The following KBTBD11 variants were observed in gnomAD, a reference collection of about 807,000 sequenced individuals.
KBTBD11 encodes the protein kelch repeat and BTB domain containing 11.
For synonymous variants in KBTBD11, 747 were observed against 499.0 expected, an observed-to-expected ratio of 1.50 and a Z score of -6.63; for missense variants, 1,390 against 1,001.8, an observed-to-expected ratio of 1.39 and a Z score of -5.23.
Position 2,001,860 on chromosome 8 carries a change from C to A in KBTBD11, c.668C>A (p.Ala223Asp). 1.5e-6 allele frequency: 2 copies of A among 1,295,830 alleles called. No homozygotes were observed. Among genetic ancestry groups the A allele is most frequent in the Non-Finnish European group, 2.0e-6 (2 of 1,014,710 alleles). 80.3% of individuals were successfully genotyped at this position (1,295,830 alleles called of 1,614,324 possible). ...CAGCTGCCCGGCGCCGCGCAGCGCG[C>A]CACCGACGCCGTGGGGCCGCAGCTG... ...RLQLPGAAQR[A>D]TDAVGPQLSL... Residue 223 changes from alanine (A) to aspartate (D), a missense_variant, in exon 2 of 2, where the codon GCC becomes GAC. Coordinates refer to ENST00000320248, the MANE Select transcript of KBTBD11 (RefSeq NM_014867.3).
In KBTBD11 at chr8:2,002,279, G is replaced by A; in HGVS notation, c.1087G>A (p.Val363Met). 7.5e-7 allele frequency: 1 copy of A among 1,324,770 alleles called. No homozygotes were observed. The highest frequency in any genetic ancestry group is 1.9e-5 in the South Asian group (1 of 51,822). The allele number at this position is 1,324,770 out of a possible 1,614,324, so 82.1% of individuals were successfully genotyped here. The change falls in exon 2 of 2, where the codon GTG becomes ATG. Residue 363 changes from valine (V) to methionine (M), a missense_variant. Physicochemically the swap from Val to Met is conservative, Grantham distance 21. Transcript: ENST00000320248. The surrounding 1 kb of genome is among the most constrained non-coding windows in gnomAD (Gnocchi z 4.1). ...GLCVLYNYLF[V>M]AGGVAPAGPD... ...GTGCGTCCTCTACAACTACCTCTTC[G>A]TGGCGGGCGGCGTGGCGCCCGCGGG...
intron 1 of KBTBD11, among the ~76,000 whole-genome samples, chr8:1,979,410 A>C (rs13274738): frequency 0.75 from 113,562 of 152,052 alleles, 42,599 homozygotes; most frequent in South Asian, 0.85. Flanking sequence ...TAGGCAGATC[A>C]CTTGAGGTCA....
chr8:1,980,051 C>G (rs1478503206), intron 1 of KBTBD11, among the ~76,000 whole-genome samples: 7 of 152,140 alleles, frequency 4.6e-5, no homozygotes, highest in African/African-American at 1.4e-4. Flanking sequence ...TGTACAATTA[C>G]CTGAAAGTGC....
Position 2,006,569 on chromosome 8 carries a change from C to T in KBTBD11, c.*3505C>T, listed in dbSNP as rs1312968063. 1 of 167,046 alleles carries T rather than the reference C, an allele frequency of 6.0e-6. No individual in the cohort carries two copies. The highest frequency in any genetic ancestry group is 1.5e-5 in the Non-Finnish European group (1 of 68,126). The allele number at this position is 167,046 out of a possible 1,614,324, so 10.3% of individuals were successfully genotyped here. A position where few individuals can be genotyped will look rare whatever the true frequency, so the allele number is the denominator to read the frequency against. On this transcript the variant is annotated 3_prime_UTR_variant, in exon 2 of 2. Coordinates refer to ENST00000320248, the MANE Select transcript of KBTBD11 (RefSeq NM_014867.3). Reference sequence around the variant, plus strand: ...GTGGCCACATCATTTCCACGTTTTCCACATCCGGGAGGAAGCCTGGACTGT... The same window carrying T: ...GTGGCCACATCATTTCCACGTTTTCTACATCCGGGAGGAAGCCTGGACTGT...
At position 2,004,776 on chromosome 8, in the gene KBTBD11, T is replaced by C. The variant is rs1817521603; in HGVS notation, c.*1712T>C. The C allele has an allele frequency of 6.0e-6, 1 of 167,062 alleles. No homozygotes were observed. The highest frequency in any genetic ancestry group is 6.5e-5 in the Admixed American group (1 of 15,276). The allele number at this position is 167,062 out of a possible 1,614,324, so 10.3% of individuals were successfully genotyped here. ...CAGACTTCATATCGCCTGACTTGAT[T>C]GGCCTTTTATAGGAGTATACTGGAG... On this transcript the variant is annotated 3_prime_UTR_variant, in exon 2 of 2. Transcript: ENST00000320248.
chr8:1,999,644 G>T (rs1817268983), intron 1 of KBTBD11, among the ~76,000 whole-genome samples: 1 of 152,142 alleles, frequency 6.6e-6, no homozygotes, highest in African/African-American at 2.4e-5. Context: ...TAGGCTGTTT[G>T]GATAATTGCT....
chr8:1,983,260 C>G (rs1019647334), intron 1 of KBTBD11, among the ~76,000 whole-genome samples: 2 of 152,140 alleles, frequency 1.3e-5, no homozygotes, highest in African/African-American at 4.8e-5. Context: ...CCTGTGTGCA[C>G]CCCCATGCTC....
rs1017346921 is a variant in KBTBD11 at position 1,973,853 on chromosome 8, G to C, written c.-991G>C. ...CGGGCCGCGGCTCCCACAGGTGCCG[G>C]GAAGCGGCCGCGCGCATGCGCCGGA... On this transcript the variant is annotated 5_prime_UTR_variant, in exon 1 of 2. Coordinates refer to ENST00000320248, the MANE Select transcript of KBTBD11 (RefSeq NM_014867.3). 598 of 983,096 alleles carry C rather than the reference G, an allele frequency of 6.1e-4. 1 individual carries two copies. Among genetic ancestry groups the C allele is most frequent in the Non-Finnish European group, 6.8e-4 (566 of 829,060 alleles). The allele number at this position is 983,096 out of a possible 1,614,324, so 60.9% of individuals were successfully genotyped here.
chr8:1,994,144 C>A (rs937572803), intron 1 of KBTBD11, among the ~76,000 whole-genome samples: 1 of 152,112 alleles, frequency 6.6e-6, no homozygotes, highest in East Asian at 1.9e-4. Context: ...TCAGGAAATT[C>A]CCAATAATTT....
In KBTBD11 at chr8:2,001,177, G is replaced by A. The variant is rs931871215; in HGVS notation, c.-16G>A. 1.4e-5 allele frequency: 19 copies of A among 1,328,076 alleles called. No individual in the cohort carries two copies. In the African/African-American group the frequency reaches 2.8e-4, roughly 19 times the overall value. The allele number at this position is 1,328,076 out of a possible 1,614,324, so 82.3% of individuals were successfully genotyped here. On this transcript the variant is annotated 5_prime_UTR_variant, in exon 2 of 2. Transcript: ENST00000320248. ...GGAACCGGGGGCGCGCGGGCGCAGC[G>A]CAGCACAGCCCGGCCATGGAGCACG...
Position 2,004,123 on chromosome 8 carries a change from A to T in KBTBD11, c.*1059A>T, listed in dbSNP as rs1389192109. 1 of 166,998 alleles carries T rather than the reference A, an allele frequency of 6.0e-6. No individual in the cohort carries two copies. The highest frequency in any genetic ancestry group is 1.5e-5 in the Non-Finnish European group (1 of 68,130). The allele number at this position is 166,998 out of a possible 1,614,324, so 10.3% of individuals were successfully genotyped here. ...AGTATTCTAAGTGTGGCCGAGTGACAGTGGGCATAGATTTATAACAAGGAA... is the reference window on the plus strand; with the variant it reads ...AGTATTCTAAGTGTGGCCGAGTGACTGTGGGCATAGATTTATAACAAGGAA... On this transcript the variant is annotated 3_prime_UTR_variant, in exon 2 of 2. Coordinates refer to ENST00000320248, the MANE Select transcript of KBTBD11 (RefSeq NM_014867.3).
intron 1 of KBTBD11, among the ~76,000 whole-genome samples, chr8:1,987,066 A>C (rs1816729350): frequency 6.6e-6 from 1 of 151,192 alleles, no homozygotes; most frequent in Admixed American, 6.6e-5. Flanking sequence ...AAGGAACCTG[A>C]ATGATACGGT....
At chr8:1,977,537 AT>A (rs1239152208) in intron 1 of KBTBD11, among the ~76,000 whole-genome samples, 2 of 151,936 alleles carry the variant, frequency 1.3e-5, no homozygotes, top group African/African-American at 4.8e-5. Context: ...TTATTATTAT[AT>A]TTTGAGATGG....
In KBTBD11 at chr8:2,003,196, C is replaced by A; in HGVS notation, c.*132C>A. The A allele has an allele frequency of 8.2e-7, 1 of 1,221,486 alleles. No individual in the cohort carries two copies. Among genetic ancestry groups the A allele is most frequent in the Non-Finnish European group, 1.0e-6 (1 of 966,566 alleles). The allele number at this position is 1,221,486 out of a possible 1,614,324, so 75.7% of individuals were successfully genotyped here. A position where few individuals can be genotyped will look rare whatever the true frequency, so the allele number is the denominator to read the frequency against. ...TGGTGGTTTGGACACTTCGAAGGAG[C>A]CCCGAGGACGCTCTCAGGGCCGCTT... On this transcript the variant is annotated 3_prime_UTR_variant, in exon 2 of 2. Coordinates refer to ENST00000320248, the MANE Select transcript of KBTBD11 (RefSeq NM_014867.3).
intron 1 of KBTBD11, among the ~76,000 whole-genome samples, chr8:1,986,994 G>T (rs1405593922): frequency 3.7e-5 from 4 of 106,904 alleles, no homozygotes; most frequent in African/African-American, 1.6e-4. Flanking sequence ...AACATAGTGA[G>T]ACCCTATCTC....
chr8:1,997,176 A>G (rs1817173039), intron 1 of KBTBD11, among the ~76,000 whole-genome samples: 1 of 152,104 alleles, frequency 6.6e-6, no homozygotes, highest in Non-Finnish European at 1.5e-5. Context: ...CACAGTAACA[A>G]GGATGGACGC....
intron 1 of KBTBD11, among the ~76,000 whole-genome samples, chr8:1,989,184 C>A (rs1020090317): frequency 6.6e-6 from 1 of 152,150 alleles, no homozygotes; most frequent in Non-Finnish European, 1.5e-5. Context: ...ATTCTTGAGT[C>A]GGGCCACAGG....
chr8:1,986,150 T>C (rs74498472), intron 1 of KBTBD11, among the ~76,000 whole-genome samples: 1,744 of 152,312 alleles, frequency 0.011, 43 homozygotes, highest in African/African-American at 0.041. Context: ...TGGTTTGGGG[T>C]TGGCCACGTT....
Position 2,001,009 on chromosome 8 carries a change from G to A in KBTBD11, c.-184G>A, listed in dbSNP as rs1336959873. 9.0e-6 allele frequency: 7 copies of A among 781,078 alleles called. No homozygotes were observed. In the East Asian group the frequency reaches 1.4e-4, roughly 15 times the overall value. The allele number at this position is 781,078 out of a possible 1,614,324, so 48.4% of individuals were successfully genotyped here. A position where few individuals can be genotyped will look rare whatever the true frequency, so the allele number is the denominator to read the frequency against. On this transcript the variant is annotated 5_prime_UTR_variant, in exon 2 of 2. Coordinates refer to ENST00000320248, the MANE Select transcript of KBTBD11 (RefSeq NM_014867.3). ...AGGAGAGGGCAAAGGCGAGGCGGGG[G>A]AGCAGCGTGTGAGATTCCCCCCTTC...
Sources: gnomAD v4.1 joint callset for allele counts (sites outside exome capture counted in the v4.1 genomes callset) on GRCh38, gnomAD v4.1.1 for gene constraint, Gnocchi (gnomAD v3.1) non-coding constraint, MANE v1.5 for transcripts, NCBI Gene and HGNC (gene_info 2026-07-23, HGNC 2026-07-21) for gene names.